The following GSE1 variants were observed in gnomAD, a reference collection of about 807,000 sequenced individuals.
The protein encoded by GSE1 is genetic suppressor element 1.
A neutral mutation model predicts 112.6 loss-of-function variants in GSE1; 32 were observed. That is an observed-to-expected ratio of 0.28 (90% CI 0.21 to 0.38). GSE1 has a LOEUF of 0.38. Ranked by LOEUF, GSE1 falls within the 10% of genes least tolerant of loss-of-function variation. The pLI, the probability that GSE1 is intolerant of heterozygous loss-of-function variation, is 1.00. For missense variants in GSE1, 2,348 were observed against 1,699.2 expected (o/e 1.38, Z -6.71); for synonymous variants, 1,115 against 735.6 (o/e 1.52, Z -8.35).
chr16:85,410,982 C>T (rs2048517901), intron 2 of GSE1, among the ~76,000 whole-genome samples: 2 of 101,194 alleles, frequency 2.0e-5, no homozygotes, highest in Non-Finnish European at 3.7e-5. Context: ...CACTCAGGGC[C>T]CCCCGGATAA....
chr16:85,199,884 G>A (rs1230880329), intron 1 of GSE1, among the ~76,000 whole-genome samples: 3 of 152,146 alleles, frequency 2.0e-5, no homozygotes, highest in Non-Finnish European at 2.9e-5. Flanking sequence ...TACTGCAGTG[G>A]TCCGAGCACC....
At chr16:85,438,994 CAG>C (rs1304756562) in intron 2 of GSE1, among the ~76,000 whole-genome samples, 1 of 152,210 alleles carries the variant, frequency 6.6e-6, no homozygotes, top group Non-Finnish European at 1.5e-5. Context: ...GCCCTGTGAT[CAG>C]AGTCAACCTC....
chr16:85,567,753 C>T (rs142113578), intron 1 of GSE1, among the ~76,000 whole-genome samples: 23 of 152,308 alleles, frequency 1.5e-4, no homozygotes, highest in Admixed American at 1.0e-3. Context: ...GACAGGGTCT[C>T]GCTCTGTTGC....
chr16:85,200,673 C>T (rs1426526162), intron 1 of GSE1, among the ~76,000 whole-genome samples: 1 of 152,228 alleles, frequency 6.6e-6, no homozygotes, highest in Non-Finnish European at 1.5e-5. Flanking sequence ...CACATTTAAT[C>T]TTACTGCAAG....
At chr16:85,668,738 C>T (rs1253874973) in intron 14 of GSE1, among the ~76,000 whole-genome samples, 2 of 152,176 alleles carry the variant, frequency 1.3e-5, no homozygotes, top group East Asian at 3.9e-4. Context: ...GTGTAAGGGT[C>T]CTGGGAGACA....
rs763977876 is a variant in GSE1 at position 85,666,331 on chromosome 16, C to T, written c.3114C>T (p.Ala1038=). Residue 1038 remains alanine, a synonymous_variant, in exon 13 of 16, where the codon GCC becomes GCT. Coordinates refer to ENST00000253458, the MANE Select transcript of GSE1 (RefSeq NM_014615.5). ...HESVLQSTQK[A]LQKHKGSVAV... ...CAGTGCTGCAGTCCACCCAGAAGGC[C>T]CTGCAGAAGCATAAAGGTAATGAGG... 4 of 1,613,728 alleles carry T rather than the reference C, an allele frequency of 2.5e-6. No individual in the cohort carries two copies. Among genetic ancestry groups the T allele is most frequent in the Non-Finnish European group, 3.4e-6 (4 of 1,180,012 alleles).
At chr16:85,278,153 G>A (rs574853930) in intron 1 of GSE1, among the ~76,000 whole-genome samples, 1 of 152,358 alleles carries the variant, frequency 6.6e-6, no homozygotes, top group South Asian at 2.1e-4. Flanking sequence ...GCTGAAGTCC[G>A]GGGTCTGAAT....
At chr16:85,573,844 T>A (rs1395698584) in intron 1 of GSE1, among the ~76,000 whole-genome samples, 1 of 152,208 alleles carries the variant, frequency 6.6e-6, no homozygotes, top group East Asian at 1.9e-4. Context: ...GGGAACTTCC[T>A]GGGAACTCAA....
chr16:85,562,411 T>C (rs1368297700), intron 1 of GSE1, among the ~76,000 whole-genome samples: 1 of 151,008 alleles, frequency 6.6e-6, no homozygotes, highest in Non-Finnish European at 1.5e-5. Context: ...CTTAAATGTG[T>C]TGTTGTTACG....
At chr16:85,313,715 G>A (rs2045914142) in intron 1 of GSE1, among the ~76,000 whole-genome samples, 1 of 152,214 alleles carries the variant, frequency 6.6e-6, no homozygotes, top group Admixed American at 6.5e-5. Flanking sequence ...AGCCCGCGGA[G>A]AGCTGTCCGG....
chr16:85,657,236 C>T, intron 7 of GSE1, 41 bp from the exon 8 acceptor site: 2 of 1,366,468 alleles, frequency 1.5e-6, no homozygotes, highest in Non-Finnish European at 2.0e-6. Flanking sequence ...CATGCTGGCC[C>T]ACGTGGCTGA....
chr16:85,450,525 C>T (rs936448526), intron 2 of GSE1, among the ~76,000 whole-genome samples: 17 of 152,038 alleles, frequency 1.1e-4, no homozygotes, highest in African/African-American at 3.6e-4. Flanking sequence ...TCTCGGCTCA[C>T]TGCAGACTTC....
chr16:85,445,785 G>A (rs930122468), intron 2 of GSE1, among the ~76,000 whole-genome samples: 3 of 152,176 alleles, frequency 2.0e-5, no homozygotes, highest in Admixed American at 6.5e-5. Context: ...GCTCCCATTG[G>A]CCCCTGCAGC....
At chr16:85,445,028 G>A (rs1307926248) in intron 2 of GSE1, among the ~76,000 whole-genome samples, 1 of 152,232 alleles carries the variant, frequency 6.6e-6, no homozygotes, top group African/African-American at 2.4e-5. Flanking sequence ...GTTTCCCGCC[G>A]CACGCAGGCA....
At chr16:85,451,029 G>A (rs535642416) in intron 2 of GSE1, among the ~76,000 whole-genome samples, 2 of 127,496 alleles carry the variant, frequency 1.6e-5, no homozygotes, top group Non-Finnish European at 3.1e-5. Context: ...AGCCAAGATC[G>A]CACCACTGCA....
At chr16:85,184,304 C>T (rs545162045) in intron 1 of GSE1, among the ~76,000 whole-genome samples, 23 of 152,356 alleles carry the variant, frequency 1.5e-4, no homozygotes, top group African/African-American at 5.3e-4. Flanking sequence ...CTGGTGGCAT[C>T]TTCTGATGTC....
At chr16:85,308,046 C>G (rs528609786) in intron 1 of GSE1, among the ~76,000 whole-genome samples, 2 of 152,146 alleles carry the variant, frequency 1.3e-5, no homozygotes, top group Non-Finnish European at 2.9e-5. Flanking sequence ...TGGACAGCTT[C>G]CACCAGGCAG....
intron 1 of GSE1, among the ~76,000 whole-genome samples, chr16:85,562,178 T>C (rs1192861465): frequency 6.6e-6 from 1 of 150,772 alleles, no homozygotes; most frequent in Non-Finnish European, 1.5e-5. Flanking sequence ...GCTCAGAAAC[T>C]CAGCGGGGAC....
At chr16:85,392,426 TG>T (rs2047861861) in intron 2 of GSE1, among the ~76,000 whole-genome samples, 2 of 152,180 alleles carry the variant, frequency 1.3e-5, no homozygotes, top group South Asian at 4.1e-4. Flanking sequence ...GGGGAGGGGA[TG>T]GAGAGTGATT....
Sources: allele counts gnomAD v4.1 joint callset (sites outside exome capture counted in the v4.1 genomes callset), GRCh38; gene constraint gnomAD v4.1.1; transcripts MANE v1.5; gene names NCBI Gene and HGNC (gene_info 2026-07-23, HGNC 2026-07-21).